The following PLA1A variants were observed in gnomAD, a reference collection of about 807,000 sequenced individuals.
PLA1A encodes phosphatidylserine-specific phospholipase A1alpha.
A neutral mutation model predicts 49.4 loss-of-function variants in PLA1A; 47 were observed. That is an observed-to-expected ratio of 0.95 (90% CI 0.75 to 1.21). The LOEUF is 1.21. Ranked by LOEUF, PLA1A falls within the 50% of genes most tolerant of loss-of-function variation. The pLI is 0.00. For missense variants in PLA1A, 561 were observed against 563.9 expected (o/e 0.99, Z 0.05); for synonymous variants, 224 against 207.9 (o/e 1.08, Z -0.67).
intron 1 of PLA1A, chr3:119,600,428 T>C (rs1039469369): frequency 1.4e-6 from 1 of 702,916 alleles, no homozygotes; most frequent in South Asian, 1.5e-5. Context: ...CTTTGTGTTC[T>C]CTCAGTACCT....
Position 119,616,097 on chromosome 3 carries a change from C to T in PLA1A, c.750C>T (p.Tyr250=), listed in dbSNP as rs758914398. Residue 250 remains tyrosine (Y), a synonymous_variant, in exon 6 of 11, where the codon TAC becomes TAT. Transcript: ENST00000273371. ...QDQPGCPTFF[Y]AGYSYLICDH... is the part of the protein sequence containing the mutation. ...AACCTGGCTGCCCCACCTTCTTTTA[C>T]GCAGGTCAGAAAGCCAGTACAATCT... 2.2e-5 allele frequency: 35 copies of T among 1,603,450 alleles called. 1 individual carries two copies. In the South Asian group the frequency reaches 2.6e-4, roughly 12 times the overall value.
At chr3:119,611,014 C>T (rs1309815311) in intron 4 of PLA1A, among the ~76,000 whole-genome samples, 1 of 152,146 alleles carries the variant, frequency 6.6e-6, no homozygotes, top group Non-Finnish European at 1.5e-5. Context: ...GGTCCAGTTT[C>T]ATTCTCTTGC....
chr3:119,615,995 G>A lies in PLA1A; in HGVS notation c.665-17G>A, dbSNP rs750624360. 1.3e-6 allele frequency: 2 copies of A among 1,572,162 alleles called. No homozygotes were observed. ...CCCCTGAAGTAAGGAAGTTAATGGA[G>A]TTGTGCCTCCTTTCAGATTTGGGTA... On this transcript the variant is annotated splice_polypyrimidine_tract_variant and intron_variant, in intron 5 of 10. Coordinates refer to ENST00000273371, the MANE Select transcript of PLA1A (RefSeq NM_015900.4).
chr3:119,625,035 G>T, intron 8 of PLA1A, 89 bp from the exon 9 acceptor site: 1 of 768,956 alleles, frequency 1.3e-6, no homozygotes. Context: ...ATAGAGCCAA[G>T]ATTCCCAACC....
intron 7 of PLA1A, 143 bp from the exon 8 acceptor site, chr3:119,619,420 T>C (rs2082897333): frequency 4.4e-6 from 3 of 678,170 alleles, no homozygotes; most frequent in Admixed American, 2.2e-5. Context: ...AGGACTCACC[T>C]TAGAATACAG....
At chr3:119,609,685 G>A (rs1260700084) in intron 4 of PLA1A, 109 bp downstream of exon 4, 2 of 601,410 alleles carry the variant, frequency 3.3e-6, no homozygotes, top group Admixed American at 3.3e-5. Flanking sequence ...TTGTTCTCAC[G>A]ATCAAGTCAC....
chr3:119,602,107 A>C (rs2082625051), intron 1 of PLA1A, among the ~76,000 whole-genome samples: 1 of 152,124 alleles, frequency 6.6e-6, no homozygotes, highest in Admixed American at 6.5e-5. Flanking sequence ...TTATGTTTAT[A>C]AATGAAAGTA....
chr3:119,619,495 GGCTGGGT>G (rs2082898491), intron 7 of PLA1A, 61 bp from the exon 8 acceptor site: 2 of 988,700 alleles, frequency 2.0e-6, no homozygotes, highest in Non-Finnish European at 3.3e-6. Flanking sequence ...ATAAACACGT[GGCTGGGT>G]GCTGTGGGAC....
At chr3:119,604,276 G>T (rs1327246690) in intron 1 of PLA1A, among the ~76,000 whole-genome samples, 2 of 152,216 alleles carry the variant, frequency 1.3e-5, no homozygotes, top group East Asian at 3.9e-4. Flanking sequence ...AGGAAAGGAA[G>T]TCAGTATATC....
intron 1 of PLA1A, among the ~76,000 whole-genome samples, chr3:119,602,649 A>C (rs1315962012): frequency 6.6e-6 from 1 of 152,214 alleles, no homozygotes; most frequent in Non-Finnish European, 1.5e-5. Context: ...TAGAGTGAAC[A>C]AAATGGATTT....
Position 119,601,048 on chromosome 3 carries a change from C to A in PLA1A, c.73+3062C>A, listed in dbSNP as rs191318542. ...AGCCTGGAGGAGGGTGCCTGCTTCC[C>A]GACACATGCACCGATGGCTCCTCTG... On this transcript the variant is annotated intron_variant, in intron 1 of 10. Transcript: ENST00000273371. Among the ~76,000 whole-genome samples, 46 of 152,334 alleles carry A rather than the reference C, an allele frequency of 3.0e-4. 1 individual carries two copies. In the South Asian group the frequency reaches 6.8e-3, roughly 23 times the overall value.
rs1202780715 is a variant in PLA1A at position 119,613,043 on chromosome 3, AC to A, written c.591del (p.Arg198GlyfsTer59). On this transcript the variant is annotated frameshift_variant, in exon 5 of 11. Coordinates refer to ENST00000273371, the MANE Select transcript of PLA1A (RefSeq NM_015900.4). LOFTEE classifies it high-confidence loss of function. ...CCTGGACCCCGCTGGACCTGAGTAC[AC>A]CAGGGCCAGTGTGGAAGAGCGCTTG... is the stretch of plus-strand genomic sequence containing the variant. Reference protein sequence around the residue: ...TGLDPAGPEYTRASVEERLDA... With the variant: ...TGLDPAGPEYXRASVEERLDA... The A allele has an allele frequency of 3.7e-6, 6 of 1,604,990 alleles. No individual in the cohort carries two copies. In the South Asian group the frequency reaches 6.7e-5, roughly 18 times the overall value.
At chr3:119,602,666 T>C (rs1384669465) in intron 1 of PLA1A, among the ~76,000 whole-genome samples, 1 of 152,176 alleles carries the variant, frequency 6.6e-6, no homozygotes, top group East Asian at 1.9e-4. Context: ...ATTTTAAAAA[T>C]CCCTGCTTTG....
At position 119,606,787 on chromosome 3, in the gene PLA1A, T is replaced by C; in HGVS notation, c.87T>C (p.Pro29=). The C allele has an allele frequency of 6.2e-7, 1 of 1,613,940 alleles. No individual in the cohort carries two copies. The highest frequency in any genetic ancestry group is 8.5e-7 in the Non-Finnish European group (1 of 1,179,838). Residue 29 remains proline, a synonymous_variant, in exon 2 of 11, where the codon CCT becomes CCC. Coordinates refer to ENST00000273371, the MANE Select transcript of PLA1A (RefSeq NM_015900.4). ...LSVGSSGDAP[P]TPQPKCADFQ... Reference sequence around the variant, plus strand: ...GTTTTCCTCCAGGGGATGCACCTCCTACCCCACAGCCAAAGTGCGCTGACT... The same window carrying C: ...GTTTTCCTCCAGGGGATGCACCTCCCACCCCACAGCCAAAGTGCGCTGACT...
chr3:119,623,656 C>T (rs548493657), intron 8 of PLA1A, among the ~76,000 whole-genome samples: 11 of 151,792 alleles, frequency 7.2e-5, no homozygotes, highest in African/African-American at 2.4e-4. Flanking sequence ...GCTTCCCTGA[C>T]GCTGGGTGTG....
At chr3:119,607,562 T>C (rs1261379070) in intron 2 of PLA1A, among the ~76,000 whole-genome samples, 3 of 152,230 alleles carry the variant, frequency 2.0e-5, no homozygotes, top group Non-Finnish European at 2.9e-5. Flanking sequence ...AATAGCACTA[T>C]GGAGCAAGTA....
chr3:119,600,406 T>C (rs1358654881), intron 1 of PLA1A: 1 of 702,746 alleles, frequency 1.4e-6, no homozygotes, highest in African/African-American at 1.7e-5. Flanking sequence ...CCATCTGGGG[T>C]AGGTGGTCTT....
At chr3:119,600,065 A>G (rs999932176) in intron 1 of PLA1A, among the ~76,000 whole-genome samples, 17 of 152,284 alleles carry the variant, frequency 1.1e-4, no homozygotes, top group African/African-American at 4.1e-4. Flanking sequence ...TAGATGAAGT[A>G]GGTGGACAGA....
intron 7 of PLA1A, 37 bp downstream of exon 7, chr3:119,618,223 G>T (rs1268166481): frequency 3.9e-6 from 6 of 1,554,636 alleles, no homozygotes; most frequent in African/African-American, 1.4e-5. Flanking sequence ...TTGACAATGT[G>T]GGGAAGTTCA....
Sources: gnomAD v4.1 joint callset for allele counts (sites outside exome capture counted in the v4.1 genomes callset) on GRCh38, gnomAD v4.1.1 for gene constraint, MANE v1.5 for transcripts, NCBI Gene and HGNC (gene_info 2026-07-23, HGNC 2026-07-21) for gene names.